ELMOD3: variants seen among roughly 807,000 people sequenced by gnomAD.
The protein encoded by ELMOD3 is ELMO domain-containing protein 3.
In ELMOD3, 36 loss-of-function variants were observed where a neutral mutation model predicts 47.4. That is an observed-to-expected ratio of 0.76 (90% CI 0.58 to 1.00). ELMOD3 has a LOEUF of 1.00. ELMOD3 is among the 50% of genes least tolerant of loss of function. The pLI is 0.00. For synonymous variants in ELMOD3, 149 were observed against 183.5 expected (o/e 0.81, Z 1.52); for missense variants, 404 against 463.8 (o/e 0.87, Z 1.18).
In ELMOD3 at chr2:85,385,418, A is replaced by G. The variant is rs145621501; in HGVS notation, c.739-4333A>G. On this transcript the variant is annotated intron_variant, in intron 11 of 13. Coordinates refer to ENST00000409013, the MANE Select transcript of ELMOD3 (RefSeq NM_001135022.2). ...ATTTGGTTAGGTAGTGGAAAATTAC[A>G]GTCAAAGGGGGTTGTTCTCTGGCTG... Among the ~76,000 whole-genome samples the G allele has an allele frequency of 4.9e-3, 752 of 152,232 alleles. 5 individuals are homozygous for G. The highest frequency in any genetic ancestry group is 0.017 in the African/African-American group (719 of 41,544).
intron 11 of ELMOD3, among the ~76,000 whole-genome samples, chr2:85,377,750 ATAAAT>A (rs1685265690): frequency 6.6e-6 from 1 of 152,254 alleles, no homozygotes; most frequent in African/African-American, 2.4e-5. Context: ...GCACTTGAAC[ATAAAT>A]TTAATTTCTT....
chr2:85,373,314 G>A (rs1433883414), intron 10 of ELMOD3, among the ~76,000 whole-genome samples: 2 of 152,060 alleles, frequency 1.3e-5, no homozygotes, highest in Non-Finnish European at 2.9e-5. Context: ...GTGGTCTGTT[G>A]GTATGGCAAC....
intron 10 of ELMOD3, chr2:85,371,878 A>T (rs1315465220): frequency 7.5e-6 from 2 of 266,524 alleles, no homozygotes; most frequent in African/African-American, 4.5e-5. Flanking sequence ...TACTAAAAAT[A>T]CAAATATTAG....
chr2:85,365,827 G>A (rs1340849379), intron 6 of ELMOD3, among the ~76,000 whole-genome samples: 1 of 152,168 alleles, frequency 6.6e-6, no homozygotes, highest in Non-Finnish European at 1.5e-5. Flanking sequence ...GGAGGGATTG[G>A]TTAAGTTGCT....
chr2:85,364,077 C>T (rs573715738), intron 6 of ELMOD3, among the ~76,000 whole-genome samples: 303 of 151,964 alleles, frequency 2.0e-3, no homozygotes, highest in South Asian at 5.4e-3. Context: ...TGCAGTGAAC[C>T]GAGATTGTGC....
chr2:85,377,513 C>T (rs201361171), intron 11 of ELMOD3, 39 bp downstream of exon 11: 7 of 1,582,522 alleles, frequency 4.4e-6, no homozygotes, highest in Admixed American at 1.8e-5. Flanking sequence ...AGGAAAGGGC[C>T]GTGGAGCTAG....
rs914380693 is a variant in ELMOD3, at chr2:85,389,673, G to A, written c.739-78G>A. ...TGCCTCTGGGGCTGTGCTTGCCTGC[G>A]AGCCACACCAGGCTGCAGATGACAG... On this transcript the variant is annotated intron_variant, in intron 11 of 13. Transcript: ENST00000409013. 2.8e-5 allele frequency: 35 copies of A among 1,244,922 alleles called. No individual in the cohort carries two copies. The African/African-American group carries it at 4.3e-4, about 15-fold the overall frequency. The allele number at this position is 1,244,922 out of a possible 1,614,324, so 77.1% of individuals were successfully genotyped here.
At chr2:85,389,571 A>G in intron 11 of ELMOD3, 180 bp from the exon 12 acceptor site, 1 of 612,256 alleles carries the variant, frequency 1.6e-6, no homozygotes, top group Non-Finnish European at 2.9e-6. Context: ...AAGGTCACTG[A>G]GCCTTAGTTC....
chr2:85,379,018 C>G (rs1057114974), intron 11 of ELMOD3, among the ~76,000 whole-genome samples: 23 of 152,158 alleles, frequency 1.5e-4, no homozygotes, highest in African/African-American at 5.5e-4. Flanking sequence ...CTTCTGAAGT[C>G]TATACATCAG....
In ELMOD3 at chr2:85,357,182, A is replaced by C; in HGVS notation, c.-17A>C. On this transcript the variant is annotated 5_prime_UTR_variant, in exon 4 of 14. Coordinates refer to ENST00000409013, the MANE Select transcript of ELMOD3 (RefSeq NM_001135022.2). ...GGGCCCAAGGACAAAGCTCACATGA[A>C]CAAATGATTTTGAGTCATGAATGAA... The C allele has an allele frequency of 6.3e-7, 1 of 1,598,066 alleles. No homozygotes were observed.
Position 85,377,377 on chromosome 2 carries a change from G to C in ELMOD3, c.641G>C (p.Gly214Ala). ...CCAGCCACAGACCTGAGAGGCGCAG[G>C]CTTCCTTGCCCTCCTGCATCTGCTC... ...ANPATDLRGA[G>A]FLALLHLLYL... Residue 214 changes from glycine to alanine, a missense_variant, in exon 11 of 14, where the codon GGC becomes GCC. Gly to Ala is a moderately conservative substitution (Grantham distance 60, BLOSUM62 0). Transcript: ENST00000409013. 6.2e-7 allele frequency: 1 copy of C among 1,609,530 alleles called. No individual in the cohort carries two copies. The highest frequency in any genetic ancestry group is 8.5e-7 in the Non-Finnish European group (1 of 1,177,848).
intron 11 of ELMOD3, among the ~76,000 whole-genome samples, chr2:85,385,103 A>T (rs1308138903): frequency 1.3e-5 from 2 of 152,148 alleles, no homozygotes; most frequent in African/African-American, 4.8e-5. Flanking sequence ...CTTAAACCAA[A>T]CCTTGGAGGT....
At chr2:85,378,824 T>C (rs1179119426) in intron 11 of ELMOD3, among the ~76,000 whole-genome samples, 2 of 152,180 alleles carry the variant, frequency 1.3e-5, no homozygotes, top group African/African-American at 4.8e-5. Context: ...TGGTCTTAGG[T>C]TTCATCTGAT....
At chr2:85,387,889 C>T (rs1135604) in intron 11 of ELMOD3, among the ~76,000 whole-genome samples, 71,501 of 151,820 alleles carry the variant, frequency 0.47, 17,778 homozygotes, top group African/African-American at 0.64. Context: ...ACAAATTCCA[C>T]AGGAAACCAG....
intron 6 of ELMOD3, 175 bp from the exon 7 acceptor site, chr2:85,368,511 C>G: frequency 1.6e-6 from 1 of 606,904 alleles, no homozygotes; most frequent in Non-Finnish European, 2.9e-6. Flanking sequence ...CTGTGCTGAT[C>G]AATAGTGGGA....
intron 3 of ELMOD3, chr2:85,355,889 G>C (rs116581890): frequency 6.6e-6 from 1 of 152,250 alleles, no homozygotes; most frequent in Non-Finnish European, 1.5e-5. Flanking sequence ...AAGCCCAAGA[G>C]CCAGGAGGTA....
intron 10 of ELMOD3, chr2:85,372,326 G>A (rs1684854608): frequency 6.6e-6 from 1 of 151,860 alleles, no homozygotes; most frequent in Admixed American, 6.6e-5. Context: ...GGTGACAAAG[G>A]GAGACTGTCT....
At chr2:85,369,616 A>C in intron 7 of ELMOD3, 123 bp from the exon 8 acceptor site, 1 of 951,218 alleles carries the variant, frequency 1.1e-6, no homozygotes, top group Non-Finnish European at 1.6e-6. Flanking sequence ...TGTAGCTGTA[A>C]GTGTCTGATG....
chr2:85,364,829 T>A (rs540239616), intron 6 of ELMOD3, among the ~76,000 whole-genome samples: 4,947 of 82,236 alleles, frequency 0.06, 22 homozygotes, highest in Middle Eastern at 0.11. Context: ...ATATATATTT[T>A]TTTTTTTTTT....
Sources: allele counts gnomAD v4.1 joint callset (sites outside exome capture counted in the v4.1 genomes callset), GRCh38; gene constraint gnomAD v4.1.1; transcripts MANE v1.5; gene names NCBI Gene and HGNC (gene_info 2026-07-23, HGNC 2026-07-21).